Variants in ATP2B4 observed in about 807,000 individuals in gnomAD.
The protein encoded by ATP2B4 is ATPase plasma membrane Ca2+ transporting 4, also known as plasma membrane calcium-transporting ATPase 4.
A neutral mutation model predicts 110.3 loss-of-function variants in ATP2B4; 39 were observed. That is an observed-to-expected ratio of 0.35 (90% CI 0.27 to 0.46). The LOEUF (loss-of-function observed/expected upper bound fraction) is 0.46, where lower values mean the gene tolerates loss of function less well. Ranked by LOEUF, ATP2B4 falls within the 20% of genes least tolerant of loss-of-function variation. The probability of loss-of-function intolerance (pLI) is 1.00; values close to 1 mark genes in which losing one functional copy is unlikely to be tolerated. For missense variants in ATP2B4, 1,135 were observed against 1,530.9 expected, an observed-to-expected ratio of 0.74 and a Z score of 4.32; for synonymous variants, 538 against 571.7, an observed-to-expected ratio of 0.94 and a Z score of 0.84.
intron 12 of ATP2B4, 37 bp from the exon 13 acceptor site, chr1:203,711,923 C>T (rs1384528111): frequency 6.9e-6 from 11 of 1,602,320 alleles, no homozygotes; most frequent in Non-Finnish European, 9.4e-6. Flanking sequence ...GGTCATCACC[C>T]TCATCTGCGC....
At chr1:203,645,479 T>C (rs1462102201) in intron 1 of ATP2B4, among the ~76,000 whole-genome samples, 1 of 152,166 alleles carries the variant, frequency 6.6e-6, no homozygotes, top group Non-Finnish European at 1.5e-5. Context: ...TTTTTTATTT[T>C]GTTTTGTTTT....
At chr1:203,656,791 T>C (rs1346610607) in intron 1 of ATP2B4, among the ~76,000 whole-genome samples, 1 of 152,238 alleles carries the variant, frequency 6.6e-6, no homozygotes, top group Non-Finnish European at 1.5e-5. Flanking sequence ...TTTATGAACA[T>C]GGGGTCTAAG....
intron 1 of ATP2B4, among the ~76,000 whole-genome samples, chr1:203,664,079 G>A (rs528160813): frequency 2.0e-5 from 3 of 152,190 alleles, no homozygotes; most frequent in Non-Finnish European, 4.4e-5. Context: ...AAAGATTGTT[G>A]CAAAGATCAA....
intron 16 of ATP2B4, 128 bp downstream of exon 16, chr1:203,720,868 A>G: frequency 1.8e-6 from 2 of 1,136,834 alleles, no homozygotes; most frequent in South Asian, 3.3e-5. Context: ...GACAGGAGTT[A>G]GCTCTTCTAA....
chr1:203,667,532 G>C (rs4297354), intron 1 of ATP2B4, among the ~76,000 whole-genome samples: 1 of 151,958 alleles, frequency 6.6e-6, no homozygotes, highest in African/African-American at 2.4e-5. Context: ...CTATCTTTTC[G>C]CTTACACCAA....
intron 17 of ATP2B4, among the ~76,000 whole-genome samples, chr1:203,721,674 C>CTTTTTTTTTTTTTTTTTTTT (rs1666340160): frequency 1.3e-5 from 1 of 74,706 alleles, no homozygotes; most frequent in Non-Finnish European, 2.6e-5. Context: ...TTTTTTTTTT[C>CTTTTTTTTTTTTTTTTTTTT]TTTTTGGAGA....
At chr1:203,727,002 C>T (rs1220091343) in intron 19 of ATP2B4, among the ~76,000 whole-genome samples, 1 of 152,190 alleles carries the variant, frequency 6.6e-6, no homozygotes, top group Admixed American at 6.5e-5. Context: ...AAACTCTTTT[C>T]CCCCAGGTCC....
chr1:203,727,499 T>C lies in ATP2B4; in HGVS notation c.3237T>C (p.Ile1079=). The change falls in exon 20 of 21, where the codon ATT becomes ATC. Residue 1079 remains isoleucine, a synonymous_variant. Coordinates refer to ENST00000357681, the MANE Select transcript of ATP2B4 (RefSeq NM_001684.5). ...ITKDAEGLDE[I]DHAEMELRRG... is the part of the protein sequence containing the mutation. ...AGGATGCCGAGGGACTGGATGAGAT[T>C]GACCATGCTGAGATGGAGCTGCGCC... 6.2e-7 allele frequency: 1 copy of C among 1,614,216 alleles called. No individual in the cohort carries two copies. The highest frequency in any genetic ancestry group is 1.3e-5 in the African/African-American group (1 of 75,078).
chr1:203,654,887 GA>G (rs1161772363), intron 1 of ATP2B4, among the ~76,000 whole-genome samples: 267 of 74,650 alleles, frequency 3.6e-3, no homozygotes, highest in Middle Eastern at 0.013. Context: ...ACCTCGTCTG[GA>G]AAAAAAAAAA....
chr1:203,688,316 T>G (rs1665264109), intron 2 of ATP2B4, among the ~76,000 whole-genome samples: 1 of 151,662 alleles, frequency 6.6e-6, no homozygotes, highest in Non-Finnish European at 1.5e-5. Flanking sequence ...ATTTTATTTT[T>G]GAAACAGGGT....
intron 5 of ATP2B4, 75 bp from the exon 6 acceptor site, chr1:203,700,723 A>T: frequency 3.2e-6 from 5 of 1,579,326 alleles, no homozygotes; most frequent in Admixed American, 3.4e-5. Flanking sequence ...TTTTCTTCTA[A>T]GTTTGTGTTT....
At chr1:203,736,294 A>G (rs1666875240) in intron 20 of ATP2B4, among the ~76,000 whole-genome samples, 1 of 151,956 alleles carries the variant, frequency 6.6e-6, no homozygotes. Flanking sequence ...GTGAAACCTC[A>G]TTTCTACTAA....
At position 203,724,319 on chromosome 1, in the gene ATP2B4, C is replaced by T. The variant is rs967042427; in HGVS notation, c.3132+331C>T. 3.9e-5 allele frequency among the ~76,000 whole-genome samples: 6 copies of T among 152,030 alleles called. No individual in the cohort carries two copies. In the South Asian group the frequency reaches 6.2e-4, roughly 16 times the overall value. ...GATCACGAGGTCAGGAAATCAAGACCGTCCTGGCTAACATGGTGAAACCCC... is the reference window on the plus strand; with the variant it reads ...GATCACGAGGTCAGGAAATCAAGACTGTCCTGGCTAACATGGTGAAACCCC... On this transcript the variant is annotated intron_variant, in intron 19 of 20. Coordinates refer to ENST00000357681, the MANE Select transcript of ATP2B4 (RefSeq NM_001684.5).
At chr1:203,658,496 A>C (rs907676668) in intron 1 of ATP2B4, among the ~76,000 whole-genome samples, 1 of 151,674 alleles carries the variant, frequency 6.6e-6, no homozygotes, top group African/African-American at 2.4e-5. Context: ...GCGCCACTGC[A>C]CTCCACCCTG....
intron 1 of ATP2B4, among the ~76,000 whole-genome samples, chr1:203,668,294 T>C (rs1001886949): frequency 2.6e-5 from 4 of 152,156 alleles, no homozygotes; most frequent in African/African-American, 9.7e-5. Flanking sequence ...GGTCAGATTG[T>C]AGTGCCTTTT....
intron 1 of ATP2B4, among the ~76,000 whole-genome samples, chr1:203,670,062 C>T (rs1664616281): frequency 6.6e-6 from 1 of 152,202 alleles, no homozygotes; most frequent in African/African-American, 2.4e-5. Flanking sequence ...TCTTTCTAGT[C>T]CATGAGTTTT....
chr1:203,732,655 A>G (rs1374890113), intron 20 of ATP2B4, among the ~76,000 whole-genome samples: 1 of 152,150 alleles, frequency 6.6e-6, no homozygotes, highest in Non-Finnish European at 1.5e-5. Context: ...GAGGTTCCTG[A>G]GCCTTCAAAT....
chr1:203,722,472 C>G lies in ATP2B4; in HGVS notation c.2813-6C>G, dbSNP rs1666367146. ...TAACCTCCAGTGCTTCTCCTCTCCC[C>G]ACTAGGTGAGAAATTCTTTGATATT... On this transcript the variant is annotated splice_region_variant and splice_polypyrimidine_tract_variant and intron_variant, in intron 17 of 20. Coordinates refer to ENST00000357681, the MANE Select transcript of ATP2B4 (RefSeq NM_001684.5). 6.2e-7 allele frequency: 1 copy of G among 1,608,926 alleles called. No individual in the cohort carries two copies. Among genetic ancestry groups the G allele is most frequent in the South Asian group, 1.1e-5 (1 of 90,974 alleles).
intron 1 of ATP2B4, among the ~76,000 whole-genome samples, chr1:203,640,588 G>A (rs1354114989): frequency 1.3e-5 from 2 of 152,158 alleles, no homozygotes; most frequent in African/African-American, 4.8e-5. Context: ...GCCCCCCAGA[G>A]TGCTGGGATT....
Sources: gnomAD v4.1 joint callset for allele counts (sites outside exome capture counted in the v4.1 genomes callset) on GRCh38, gnomAD v4.1.1 for gene constraint, MANE v1.5 for transcripts, NCBI Gene and HGNC (gene_info 2026-07-23, HGNC 2026-07-21) for gene names.